PKHD1L1: variants seen among roughly 807,000 people sequenced by gnomAD.
The protein encoded by PKHD1L1 is PKHD1 like 1.
In PKHD1L1, 434 loss-of-function variants were observed where a neutral mutation model predicts 462.9. That is an observed-to-expected ratio of 0.94 (90% confidence interval 0.87 to 1.02). The LOEUF is 1.02. Among genes scored for constraint, PKHD1L1 ranks in the 50% least tolerant of loss-of-function variants. The pLI, the probability that PKHD1L1 is intolerant of heterozygous loss-of-function variation, is 0.00. For missense variants in PKHD1L1, 5,202 were observed against 5,096.1 expected, an observed-to-expected ratio of 1.02 and a Z score of -0.63; for synonymous variants, 1,781 against 1,750.0, an observed-to-expected ratio of 1.02 and a Z score of -0.44.
rs1178093178 is a variant in PKHD1L1, at chr8:109,406,048, A to G, written c.1670-287A>G. 3.3e-5 allele frequency among the ~76,000 whole-genome samples: 5 copies of G among 152,324 alleles called. No homozygotes were observed. The East Asian group carries it at 7.7e-4, about 23-fold the overall frequency. The stretch of plus-strand genomic sequence containing the variant: ...TACTGTTAATTGTTTTAACCAGTAA[A>G]TATTGATGATTGCTTATTCTTTGCC... On this transcript the variant is annotated intron_variant, in intron 16 of 77. Coordinates refer to ENST00000378402, the MANE Select transcript of PKHD1L1 (RefSeq NM_177531.6).
chr8:109,363,500 C>G (rs1015851280), intron 1 of PKHD1L1, among the ~76,000 whole-genome samples: 1 of 152,156 alleles, frequency 6.6e-6, no homozygotes, highest in Admixed American at 6.6e-5. Context: ...TATATACATC[C>G]ATTTTGAGAA....
At chr8:109,486,966 A>G (rs991585479) in intron 59 of PKHD1L1, 145 bp downstream of exon 59, 2 of 765,704 alleles carry the variant, frequency 2.6e-6, no homozygotes, top group Admixed American at 6.5e-5. Context: ...CCCAGTTTTT[A>G]CCTTCCAAGT....
Position 109,522,171 on chromosome 8 carries a change from T to G in PKHD1L1, c.12032-15T>G, listed in dbSNP as rs886801778. ...TACTTTTATAATCCAAATGTCATAA[T>G]ACTTTTCCCCATAGGTCAGATGCAG... On this transcript the variant is annotated splice_polypyrimidine_tract_variant and intron_variant, in intron 73 of 77. Transcript: ENST00000378402. 5.1e-6 allele frequency: 8 copies of G among 1,580,514 alleles called. No homozygotes were observed. Among genetic ancestry groups the G allele is most frequent in the Non-Finnish European group, 6.9e-6 (8 of 1,153,836 alleles).
chr8:109,452,987 T>A, intron 43 of PKHD1L1, 113 bp downstream of exon 43: 1 of 906,804 alleles, frequency 1.1e-6, no homozygotes, highest in Non-Finnish European at 1.5e-6. Context: ...CTTTTTAATA[T>A]ACAGTGTAGT....
At chr8:109,418,197 A>G (rs1016529756) in intron 21 of PKHD1L1, among the ~76,000 whole-genome samples, 3 of 152,156 alleles carry the variant, frequency 2.0e-5, no homozygotes, top group African/African-American at 4.8e-5. Flanking sequence ...TTAGAATTGC[A>G]TAATCAGTTG....
intron 21 of PKHD1L1, 136 bp from the exon 22 acceptor site, chr8:109,418,961 T>C: frequency 1.6e-6 from 1 of 637,804 alleles, no homozygotes; most frequent in Non-Finnish European, 2.5e-6. Context: ...GCTGCTTTTC[T>C]GTGCTAATAA....
intron 4 of PKHD1L1, among the ~76,000 whole-genome samples, chr8:109,383,178 A>ATATATATAAT (rs527998677): frequency 1.8e-5 from 2 of 109,960 alleles, no homozygotes; most frequent in African/African-American, 3.7e-5. Context: ...ATATACAATA[A>ATATATATAAT]TATATATAAT....
chr8:109,438,482 T>A, intron 31 of PKHD1L1, 26 bp downstream of exon 31: 1 of 1,519,648 alleles, frequency 6.6e-7, no homozygotes, highest in African/African-American at 1.4e-5. Flanking sequence ...ATAAGATTGG[T>A]CATTTGTCCT....
rs148814607 is a variant in PKHD1L1 at position 109,390,202 on chromosome 8, C to T, written c.698-250C>T. 2.0e-3 allele frequency among the ~76,000 whole-genome samples: 311 copies of T among 152,150 alleles called. 2 individuals are homozygous for T. In the South Asian group the frequency reaches 0.022, roughly 11 times the overall value. On this transcript the variant is annotated intron_variant, in intron 8 of 77. Coordinates refer to ENST00000378402, the MANE Select transcript of PKHD1L1 (RefSeq NM_177531.6). ...GTTACATATCTGTTCTTTTATTATT[C>T]TTCATTCATGATCATATTTTGTTAT...
intron 57 of PKHD1L1, 99 bp from the exon 58 acceptor site, chr8:109,484,945 T>A: frequency 1.0e-6 from 1 of 970,748 alleles, no homozygotes; most frequent in Non-Finnish European, 1.5e-6. Flanking sequence ...TAATTGCCAA[T>A]GAGATATACA....
rs763651480 is a variant in PKHD1L1 at position 109,441,991 on chromosome 8, C to A, written c.4205-16C>A. 6.5e-7 allele frequency: 1 copy of A among 1,531,608 alleles called. No homozygotes were observed. Among genetic ancestry groups the A allele is most frequent in the African/African-American group, 1.4e-5 (1 of 71,366 alleles). The allele number at this position is 1,531,608 out of a possible 1,614,324, so 94.9% of individuals were successfully genotyped here. A position where few individuals can be genotyped will look rare whatever the true frequency, so the allele number is the denominator to read the frequency against. On this transcript the variant is annotated splice_polypyrimidine_tract_variant and intron_variant, in intron 34 of 77. Coordinates refer to ENST00000378402, the MANE Select transcript of PKHD1L1 (RefSeq NM_177531.6). ...TCTCTTTTTCTTTTAAAATATTACT[C>A]AATTCTTGCCCCCAGTACATGGATT...
chr8:109,396,546 A>G (rs999559781), intron 11 of PKHD1L1, among the ~76,000 whole-genome samples: 3 of 152,238 alleles, frequency 2.0e-5, no homozygotes, highest in African/African-American at 7.2e-5. Context: ...TATTCTCCTC[A>G]TACTCTTCTC....
rs572918612 is a variant in PKHD1L1, at chr8:109,378,741, G to C, written c.164-2629G>C. 2.0e-5 allele frequency among the ~76,000 whole-genome samples: 3 copies of C among 152,292 alleles called. No individual in the cohort carries two copies. The South Asian group carries it at 6.2e-4, about 32-fold the overall frequency. On this transcript the variant is annotated intron_variant, in intron 2 of 77. Transcript: ENST00000378402. ...TGCTAACTTTGTAGGCAGGAAAAGT[G>C]GTTTGTAGTAAGAATGTACATGGGC...
chr8:109,506,129 A>T (rs191918391), intron 68 of PKHD1L1, among the ~76,000 whole-genome samples: 77 of 152,276 alleles, frequency 5.1e-4, no homozygotes, highest in Non-Finnish European at 3.2e-4. Context: ...CTAAGTCCTG[A>T]AGAAAATACC....
intron 21 of PKHD1L1, among the ~76,000 whole-genome samples, chr8:109,415,197 T>A (rs978152378): frequency 2.0e-5 from 3 of 151,780 alleles, no homozygotes; most frequent in African/African-American, 7.3e-5. Flanking sequence ...AGATTGGGTC[T>A]TGCCATGTTG....
chr8:109,487,844 C>T (rs1421774501), intron 59 of PKHD1L1, among the ~76,000 whole-genome samples: 2 of 134,942 alleles, frequency 1.5e-5, no homozygotes, highest in African/African-American at 2.8e-5. Flanking sequence ...TGAGACCCAG[C>T]CAAAAGAAAG....
intron 55 of PKHD1L1, chr8:109,480,562 A>G (rs1258034280): frequency 4.4e-6 from 2 of 455,136 alleles, no homozygotes; most frequent in South Asian, 3.1e-5. Context: ...AGCAAGAGAA[A>G]ATAAATCAAA....
At chr8:109,388,642 T>C in intron 7 of PKHD1L1, 92 bp downstream of exon 7, 1 of 850,174 alleles carries the variant, frequency 1.2e-6, no homozygotes, top group South Asian at 1.6e-5. Flanking sequence ...ACTGCATAGC[T>C]AAATGGTTTA....
chr8:109,494,286 C>T (rs576164829), intron 63 of PKHD1L1, among the ~76,000 whole-genome samples: 4 of 151,646 alleles, frequency 2.6e-5, no homozygotes, highest in Non-Finnish European at 5.9e-5. Flanking sequence ...TTACACCTTG[C>T]TGGTTGAAGG....
Sources: gnomAD v4.1 joint callset for allele counts (sites outside exome capture counted in the v4.1 genomes callset) on GRCh38, gnomAD v4.1.1 for gene constraint, MANE v1.5 for transcripts, NCBI Gene and HGNC (gene_info 2026-07-23, HGNC 2026-07-21) for gene names.